The following MYO3A variants were observed in gnomAD, a reference collection of about 807,000 sequenced individuals.
The protein encoded by MYO3A is myosin-IIIa.
A neutral mutation model predicts 192.7 loss-of-function variants in MYO3A; 180 were observed. The observed-to-expected ratio is 0.93, with a 90% CI of 0.83 to 1.06. MYO3A has a LOEUF of 1.06. Among genes scored for constraint, MYO3A ranks in the 50% least tolerant of loss-of-function variants. The pLI, the probability that MYO3A is intolerant of heterozygous loss-of-function variation, is 0.00. For missense variants in MYO3A, 1,896 were observed against 1,905.0 expected (o/e 1.00, Z 0.09); for synonymous variants, 628 against 645.3 (o/e 0.97, Z 0.41).
intron 20 of MYO3A, among the ~76,000 whole-genome samples, chr10:26,132,650 C>G (rs1427664967): frequency 6.8e-6 from 1 of 147,398 alleles, no homozygotes; most frequent in Non-Finnish European, 1.5e-5. Flanking sequence ...GCACATCTGA[C>G]TATTAACTGA....
At chr10:26,140,840 G>A (rs1434986230) in intron 20 of MYO3A, among the ~76,000 whole-genome samples, 13 of 152,178 alleles carry the variant, frequency 8.5e-5, no homozygotes, top group Admixed American at 8.5e-4. Flanking sequence ...GAAGAGAGTA[G>A]GAATTACATT....
chr10:26,060,479 CAA>C (rs1834397269), intron 10 of MYO3A, among the ~76,000 whole-genome samples: 1 of 151,648 alleles, frequency 6.6e-6, no homozygotes, highest in Non-Finnish European at 1.5e-5. Flanking sequence ...AACAAACAAA[CAA>C]ACAAACAAAA....
chr10:25,964,537 T>C (rs1838143830), intron 4 of MYO3A, among the ~76,000 whole-genome samples: 1 of 152,220 alleles, frequency 6.6e-6, no homozygotes, highest in East Asian at 1.9e-4. Context: ...TTTCTATTTA[T>C]ATCTTATTGT....
At chr10:26,032,490 C>T (rs1842846219) in intron 10 of MYO3A, among the ~76,000 whole-genome samples, 2 of 152,100 alleles carry the variant, frequency 1.3e-5, no homozygotes, top group Admixed American at 6.5e-5. Context: ...GTGGCAGGCA[C>T]CTCTAATCCC....
intron 4 of MYO3A, among the ~76,000 whole-genome samples, chr10:25,987,459 A>G (rs1306687368): frequency 6.6e-6 from 1 of 152,202 alleles, no homozygotes; most frequent in African/African-American, 2.4e-5. Context: ...CAAAATCTAT[A>G]TATCTGACGA....
chr10:25,959,200 T>C (rs1257228042), intron 4 of MYO3A, among the ~76,000 whole-genome samples: 1 of 152,318 alleles, frequency 6.6e-6, no homozygotes, highest in East Asian at 1.9e-4. Context: ...CTTCCAATAC[T>C]ATGTTGAATA....
chr10:26,002,689 A>AGTCAGGGTGGACCAGATAATCGG (rs1840915712), intron 6 of MYO3A, among the ~76,000 whole-genome samples: 10 of 127,814 alleles, frequency 7.8e-5, no homozygotes, highest in African/African-American at 2.3e-4. Flanking sequence ...CAGGTGATTG[A>AGTCAGGGTGGACCAGATAATCGG]AATGAGTCAG....
At chr10:25,964,103 A>G (rs932538785) in intron 4 of MYO3A, among the ~76,000 whole-genome samples, 4 of 152,162 alleles carry the variant, frequency 2.6e-5, no homozygotes, top group Admixed American at 1.3e-4. Context: ...CTAGTGTGCT[A>G]TAGTGTTCCC....
intron 32 of MYO3A, among the ~76,000 whole-genome samples, chr10:26,196,738 T>C (rs1252233923): frequency 6.6e-6 from 1 of 152,212 alleles, no homozygotes; most frequent in African/African-American, 2.4e-5. Context: ...TTAAACCCTT[T>C]CTTGATGACC....
At chr10:26,088,175 T>A (rs144075853) in intron 14 of MYO3A, 28 bp from the exon 15 acceptor site, 8 of 1,506,068 alleles carry the variant, frequency 5.3e-6, no homozygotes, top group African/African-American at 4.3e-5. Context: ...TTTATGTTTT[T>A]AAAAATATCT....
intron 10 of MYO3A, among the ~76,000 whole-genome samples, chr10:26,038,596 T>G (rs1843160293): frequency 6.6e-6 from 1 of 152,224 alleles, no homozygotes; most frequent in African/African-American, 2.4e-5. Flanking sequence ...TGGAGTTGTT[T>G]AGGTTTTTTC....
At chr10:26,149,046 C>G (rs11014969) in intron 23 of MYO3A, among the ~76,000 whole-genome samples, 3,319 of 152,154 alleles carry the variant, frequency 0.022, 59 homozygotes, top group East Asian at 0.036. Context: ...CAAGAGTGAA[C>G]ACTCTTGCCT....
At chr10:25,976,464 G>C (rs1838970874) in intron 4 of MYO3A, among the ~76,000 whole-genome samples, 1 of 152,076 alleles carries the variant, frequency 6.6e-6, no homozygotes, top group South Asian at 2.1e-4. Context: ...GCCAACTATA[G>C]AAATTAGCAA....
intron 4 of MYO3A, among the ~76,000 whole-genome samples, chr10:25,965,273 G>C (rs953875127): frequency 1.3e-5 from 2 of 152,108 alleles, no homozygotes; most frequent in African/African-American, 4.8e-5. Flanking sequence ...TTTGCACTGG[G>C]TCTTTTACTT....
intron 17 of MYO3A, among the ~76,000 whole-genome samples, chr10:26,101,615 T>C (rs570675724): frequency 1.6e-4 from 25 of 152,318 alleles, no homozygotes; most frequent in African/African-American, 6.0e-4. Flanking sequence ...CTCTCAGCAT[T>C]TGCTTGTCTG....
At chr10:26,100,006 C>A (rs1303932227) in intron 17 of MYO3A, among the ~76,000 whole-genome samples, 2 of 152,082 alleles carry the variant, frequency 1.3e-5, no homozygotes, top group African/African-American at 4.8e-5. Context: ...CTCTTTGTAC[C>A]TCTGGTAGAA....
chr10:26,126,735 G>A lies in MYO3A; in HGVS notation c.2114+1127G>A, dbSNP rs76778298. Among the ~76,000 whole-genome samples, 698 of 152,240 alleles carry A rather than the reference G, an allele frequency of 4.6e-3. 5 individuals carry two copies. Among genetic ancestry groups the A allele is most frequent in the African/African-American group, 0.016 (662 of 41,562 alleles). ...TCATTTTGTTAATTATCATCTGCAT[G>A]TTTGGCACTAAATGATACCTACCCA... On this transcript the variant is annotated intron_variant, in intron 19 of 34. Transcript: ENST00000642920.
intron 31 of MYO3A, among the ~76,000 whole-genome samples, chr10:26,184,080 T>C (rs1296331183): frequency 6.6e-6 from 1 of 152,180 alleles, no homozygotes; most frequent in African/African-American, 2.4e-5. Context: ...GAATTGAACA[T>C]GTCCGTCGGT....
intron 7 of MYO3A, 155 bp downstream of exon 7, chr10:26,017,051 C>G: frequency 2.5e-6 from 2 of 791,928 alleles, no homozygotes; most frequent in Non-Finnish European, 4.3e-6. Context: ...TGTGAGGAGG[C>G]ACCTGGGAGG....
Sources: allele counts gnomAD v4.1 joint callset (sites outside exome capture counted in the v4.1 genomes callset), GRCh38; gene constraint gnomAD v4.1.1; transcripts MANE v1.5; gene names NCBI Gene and HGNC (gene_info 2026-07-23, HGNC 2026-07-21).